Variants in KLRG1 observed in about 807,000 individuals in gnomAD.
KLRG1 encodes killer cell lectin-like receptor subfamily G member 1.
In KLRG1, 16 loss-of-function variants were observed where a neutral mutation model predicts 21.8. The ratio of observed to expected loss-of-function variants is 0.73; its 90% CI spans 0.50 to 1.11. The LOEUF (loss-of-function observed/expected upper bound fraction) is 1.11, where lower values mean the gene tolerates loss of function less well. KLRG1 is among the 50% of genes most tolerant of loss of function. The pLI is 0.00. For synonymous variants in KLRG1, 69 were observed against 75.9 expected (o/e 0.91, Z 0.47); for missense variants, 173 against 218.3 (o/e 0.79, Z 1.31).
the KLRG1 span, chr12:9,164,367 GA>G: frequency 4.9e-6 from 6 of 1,222,040 alleles, no homozygotes; most frequent in East Asian, 1.5e-4. Context: ...GGATTTGTAA[GA>G]AAAATGTATG....
the KLRG1 span, among the ~76,000 whole-genome samples, chr12:9,016,054 G>A: frequency 6.6e-6 from 1 of 151,990 alleles, no homozygotes; most frequent in African/African-American, 2.4e-5. Context: ...ACATAAAAAA[G>A]TAAAAATGCC....
At chr12:8,967,951 A>AAAAG (rs770062313) in intron 1 of KLRG1, among the ~76,000 whole-genome samples, 1 of 151,810 alleles carries the variant, frequency 6.6e-6, no homozygotes. Context: ...AGGAAGGGAG[A>AAAAG]AAAGAAAGAA....
chr12:9,099,313 A>G, the KLRG1 span: 1 of 1,462,830 alleles, frequency 6.8e-7, no homozygotes, highest in Non-Finnish European at 9.4e-7. Context: ...TCACATGTGT[A>G]AAACAAATGA....
At chr12:8,993,492 G>A (rs1947038988) in intron 2 of KLRG1, among the ~76,000 whole-genome samples, 1 of 152,006 alleles carries the variant, frequency 6.6e-6, no homozygotes, top group Admixed American at 6.6e-5. Flanking sequence ...GTTTCACTAT[G>A]TTGGCCAGGC....
chr12:9,022,141 A>G, the KLRG1 span, among the ~76,000 whole-genome samples: 35 of 152,264 alleles, frequency 2.3e-4, no homozygotes, highest in East Asian at 6.2e-3. Context: ...CCCCATCTCT[A>G]AAAAACCAAA....
chr12:9,160,710 C>T, the KLRG1 span, among the ~76,000 whole-genome samples: 5 of 151,980 alleles, frequency 3.3e-5, no homozygotes, highest in African/African-American at 9.7e-5. Context: ...GTCAGGATAT[C>T]GAGACCATCC....
the KLRG1 span, chr12:9,110,004 T>C: frequency 6.2e-7 from 1 of 1,613,160 alleles, no homozygotes; most frequent in Non-Finnish European, 8.5e-7. Context: ...CTGGAAACTC[T>C]GCCATTGTGC....
At chr12:8,998,846 T>G (rs1032597362) in intron 3 of KLRG1, among the ~76,000 whole-genome samples, 8 of 152,196 alleles carry the variant, frequency 5.3e-5, no homozygotes, top group Non-Finnish European at 1.2e-4. Context: ...TTAAAAATTT[T>G]TTTGAATTGA....
At chr12:9,095,915 G>A in the KLRG1 span, among the ~76,000 whole-genome samples, 7 of 150,828 alleles carry the variant, frequency 4.6e-5, no homozygotes, top group African/African-American at 4.9e-5. Flanking sequence ...GCCCGCCACC[G>A]CGCCCGGCTA....
downstream of KLRG1, among the ~76,000 whole-genome samples, chr12:9,013,256 C>T (rs118101331): frequency 6.6e-6 from 1 of 152,138 alleles, no homozygotes; most frequent in East Asian, 1.9e-4. Flanking sequence ...AGGATGGGTA[C>T]AAACAAACCC....
the KLRG1 span, among the ~76,000 whole-genome samples, chr12:9,071,431 A>T: frequency 8.1e-4 from 122 of 151,526 alleles, no homozygotes; most frequent in African/African-American, 2.8e-3. Flanking sequence ...AAATGAAAAA[A>T]ATATATATAT....
chr12:9,200,544 C>T, the KLRG1 span: 2 of 947,784 alleles, frequency 2.1e-6, no homozygotes, highest in Non-Finnish European at 1.6e-6. Context: ...CAAAATAACA[C>T]TCTGAATGTT....
the KLRG1 span, chr12:9,203,621 G>C: frequency 1.1e-4 from 94 of 886,320 alleles, no homozygotes; most frequent in African/African-American, 1.4e-3. Flanking sequence ...GATTACAGGC[G>C]TGAGCCACCG....
At chr12:9,065,476 G>A in the KLRG1 span, among the ~76,000 whole-genome samples, 2 of 152,136 alleles carry the variant, frequency 1.3e-5, no homozygotes, top group Non-Finnish European at 1.5e-5. Flanking sequence ...CAGCCTGGCC[G>A]AGCGTGCACA....
At chr12:8,951,238 C>T (rs1008216103) in intron 1 of KLRG1, among the ~76,000 whole-genome samples, 1 of 151,916 alleles carries the variant, frequency 6.6e-6, no homozygotes, top group Non-Finnish European at 1.5e-5. Context: ...TTTGGGATTC[C>T]GGGGCAGAAG....
the KLRG1 span, chr12:9,153,249 TGTGAATCCTGAACG>T: frequency 6.2e-7 from 1 of 1,614,206 alleles, no homozygotes; most frequent in East Asian, 2.2e-5. Context: ...AGAAAAGGTC[TGTGAATCCTGAACG>T]GTGACCTGTG....
the KLRG1 span, chr12:9,113,237 G>C: frequency 1.1e-6 from 1 of 949,044 alleles, no homozygotes; most frequent in African/African-American, 1.7e-5. Flanking sequence ...TACTTAGTTT[G>C]CTACATTTGG....
chr12:8,981,460 CATTTA>C (rs1211607732), intron 1 of KLRG1, among the ~76,000 whole-genome samples: 1 of 151,608 alleles, frequency 6.6e-6, no homozygotes, highest in Non-Finnish European at 1.5e-5. Context: ...TTTTCATAAT[CATTTA>C]ATTTAAAATA....
the KLRG1 span, among the ~76,000 whole-genome samples, chr12:9,042,511 A>G: frequency 2.0e-5 from 3 of 152,210 alleles, no homozygotes; most frequent in Non-Finnish European, 4.4e-5. Context: ...AAAAATCCCA[A>G]GGACGTGTTT....
Sources: allele counts gnomAD v4.1 joint callset (sites outside exome capture counted in the v4.1 genomes callset), GRCh38; gene constraint gnomAD v4.1.1; transcripts MANE v1.5; gene names NCBI Gene and HGNC (gene_info 2026-07-23, HGNC 2026-07-21).